The following RNF157 variants were observed in gnomAD, a reference collection of about 807,000 sequenced individuals.
RNF157 encodes ring finger protein 157.
Under a neutral mutation model 88.3 loss-of-function variants are expected in RNF157, and 55 were observed. The observed-to-expected ratio is 0.62, with a 90% CI of 0.50 to 0.78. The LOEUF is 0.78. RNF157 is among the 30% of genes least tolerant of loss of function. The pLI is 0.00. For missense variants in RNF157, 788 were observed against 860.8 expected, an observed-to-expected ratio of 0.92 and a Z score of 1.06; for synonymous variants, 334 against 341.2, an observed-to-expected ratio of 0.98 and a Z score of 0.23.
Position 76,161,896 on chromosome 17 carries a change from G to C in RNF157, c.899C>G (p.Thr300Ser). 1.2e-6 allele frequency: 2 copies of C among 1,614,224 alleles called. No individual in the cohort carries two copies. The highest frequency in any genetic ancestry group is 8.5e-7 in the Non-Finnish European group (1 of 1,180,052). The change falls in exon 10 of 19, where the codon ACC becomes AGC. Residue 300 changes from threonine (T) to serine (S), a missense_variant. Physicochemically the swap from Thr to Ser is moderately conservative, Grantham distance 58. Coordinates refer to ENST00000269391, the MANE Select transcript of RNF157 (RefSeq NM_052916.3). The surrounding 1 kb of genome is among the most constrained non-coding windows in gnomAD (Gnocchi z 4.6). ...LPCRHLCLCN[T>S]CADTLRYQAN... Reference sequence around the variant, plus strand: ...CTGGTAGCGCAGCGTGTCTGCACAGGTGTTACAGAGGCAGAGGTGGCGACA... The same window carrying C: ...CTGGTAGCGCAGCGTGTCTGCACAGCTGTTACAGAGGCAGAGGTGGCGACA...
At position 76,166,990 on chromosome 17, in the gene RNF157, C is replaced by T. The variant is rs752939507; in HGVS notation, c.561+19G>A. On this transcript the variant is annotated intron_variant, in intron 5 of 18. Transcript: ENST00000269391. Reference sequence around the variant, plus strand: ...CCCTTCTGAGTGGATGTGGGAAACCCTCCCCAGAGGCAGCTCACCTCCTCT... The same window carrying T: ...CCCTTCTGAGTGGATGTGGGAAACCTTCCCCAGAGGCAGCTCACCTCCTCT... 2.5e-6 allele frequency: 4 copies of T among 1,573,834 alleles called. No individual in the cohort carries two copies. The Admixed American group carries it at 7.2e-5, about 28-fold the overall frequency.
At chr17:76,159,221 C>T (rs770534214) in intron 12 of RNF157, 114 bp downstream of exon 12, 117 of 865,488 alleles carry the variant, frequency 1.4e-4, no homozygotes, top group Non-Finnish European at 2.0e-4. Flanking sequence ...GCTCTGGGAA[C>T]AGCCCAGAGG....
intron 1 of RNF157, among the ~76,000 whole-genome samples, chr17:76,238,226 G>A (rs1274983320): frequency 1.3e-5 from 2 of 152,150 alleles, no homozygotes; most frequent in African/African-American, 2.4e-5. Flanking sequence ...CGATGCCTCC[G>A]TCTAGAGCAT....
rs115220134 is a variant in RNF157 at position 76,152,455 on chromosome 17, C to T, written c.1821G>A (p.Thr607=). The change falls in exon 18 of 19, where the codon ACG becomes ACA. Residue 607 remains threonine, a synonymous_variant. Transcript: ENST00000269391. ...DGSPTQEGQR[T]CAFLGMECDN... ...CACACTCCATACCTAGAAATGCGCA[C>T]GTCCTCTGGCCTGTAACGGAGTTAA... The T allele has an allele frequency of 5.3e-5, 85 of 1,610,696 alleles. No individual in the cohort carries two copies. The African/African-American group carries it at 8.5e-4, about 16-fold the overall frequency.
At position 76,143,761 on chromosome 17, in the gene RNF157, ATT is replaced by A. The variant is rs765184655; in HGVS notation, c.*1472_*1473del. 3 of 146,128 alleles carry A rather than the reference ATT, an allele frequency of 2.1e-5. No individual in the cohort carries two copies. The highest frequency in any genetic ancestry group is 3.0e-5 in the Non-Finnish European group (2 of 65,926). 9.1% of individuals were successfully genotyped at this position (146,128 alleles called of 1,614,324 possible). Reference sequence around the variant, plus strand: ...GAGGCTGCCTTGGAAACAGCCTTGAATTTTTTTTTTTTTGTTTGAGACAGAGT... The same window carrying A: ...GAGGCTGCCTTGGAAACAGCCTTGAATTTTTTTTTTTGTTTGAGACAGAGT... On this transcript the variant is annotated 3_prime_UTR_variant, in exon 19 of 19. Coordinates refer to ENST00000269391, the MANE Select transcript of RNF157 (RefSeq NM_052916.3).
chr17:76,147,269 C>CT (rs2068599228), intron 18 of RNF157: 1 of 984,654 alleles, frequency 1.0e-6, no homozygotes. Flanking sequence ...GATCTCATAC[C>CT]TATTCCTCAA....
At position 76,156,282 on chromosome 17, in the gene RNF157, A is replaced by G; in HGVS notation, c.1453T>C (p.Ser485Pro). 6.2e-7 allele frequency: 1 copy of G among 1,614,150 alleles called. No individual in the cohort carries two copies. Among genetic ancestry groups the G allele is most frequent in the Non-Finnish European group, 8.5e-7 (1 of 1,180,004 alleles). ...VTPESENLTL[S>P]SSGAIDQSSC... is the part of the protein sequence containing the mutation. ...GACTGGTCAATAGCTCCAGATGACG[A>G]CAAGGTGAGATTCTCACTTTCTGGA... Residue 485 changes from serine to proline, a missense_variant, in exon 14 of 19, where the codon TCG (serine) becomes CCG (proline). Physicochemically the swap from Ser to Pro is moderately conservative, Grantham distance 74. Transcript: ENST00000269391.
intron 2 of RNF157, among the ~76,000 whole-genome samples, chr17:76,199,749 C>G (rs2069540406): frequency 6.6e-6 from 1 of 152,074 alleles, no homozygotes; most frequent in South Asian, 2.1e-4. Context: ...GCCACCTGCT[C>G]ATGCTACTGG....
At chr17:76,192,907 T>G (rs2069411067) in intron 2 of RNF157, among the ~76,000 whole-genome samples, 1 of 150,406 alleles carries the variant, frequency 6.6e-6, no homozygotes. Flanking sequence ...TGGCCATCAC[T>G]GCAGTCTCAA....
At chr17:76,211,260 AG>A (rs1444519720) in intron 2 of RNF157, among the ~76,000 whole-genome samples, 1 of 152,222 alleles carries the variant, frequency 6.6e-6, no homozygotes, top group Admixed American at 6.5e-5. Context: ...GAATGCTCTT[AG>A]GCCTGTGCCG....
chr17:76,200,398 A>G (rs951159730), intron 2 of RNF157, among the ~76,000 whole-genome samples: 1 of 152,238 alleles, frequency 6.6e-6, no homozygotes, highest in Non-Finnish European at 1.5e-5. Context: ...AGCCTTAAAA[A>G]GGAAATTCTG....
At position 76,223,240 on chromosome 17, in the gene RNF157, T is replaced by G. The variant is rs925554573; in HGVS notation, c.89-10758A>C. ...TCTCACTCTGTCACCCAGGCTGGAGTGCAGTAGTCCAATCTCTGCTCGCTG... is the reference window on the plus strand; with the variant it reads ...TCTCACTCTGTCACCCAGGCTGGAGGGCAGTAGTCCAATCTCTGCTCGCTG... On this transcript the variant is annotated intron_variant, in intron 1 of 18. Coordinates refer to ENST00000269391, the MANE Select transcript of RNF157 (RefSeq NM_052916.3). Among the ~76,000 whole-genome samples the G allele has an allele frequency of 5.5e-5, 8 of 145,362 alleles. No individual in the cohort carries two copies. In the East Asian group the frequency reaches 1.6e-3, roughly 30 times the overall value.
chr17:76,192,565 C>T (rs186590417), intron 2 of RNF157, among the ~76,000 whole-genome samples: 14 of 152,204 alleles, frequency 9.2e-5, no homozygotes, highest in African/African-American at 2.9e-4. Context: ...CCCATGGTGA[C>T]TCTTTAGATT....
Position 76,176,171 on chromosome 17 carries a change from C to T in RNF157, c.208-2381G>A, listed in dbSNP as rs930963872. On this transcript the variant is annotated intron_variant, in intron 2 of 18. Transcript: ENST00000269391. This position sits in a 1 kb window ranked among gnomAD's most constrained non-coding sequence, Gnocchi z 4.2. ...GATTGAAAACCAAGAAGATAAGGCC[C>T]TGCTCTTTCAGGAAGCTGCATTATA... 3.9e-5 allele frequency among the ~76,000 whole-genome samples: 6 copies of T among 152,176 alleles called. No individual in the cohort carries two copies. Among genetic ancestry groups the T allele is most frequent in the Non-Finnish European group, 5.9e-5 (4 of 68,032 alleles).
intron 1 of RNF157, among the ~76,000 whole-genome samples, chr17:76,214,984 C>T (rs1010831139): frequency 5.3e-5 from 8 of 152,148 alleles, no homozygotes; most frequent in Non-Finnish European, 1.2e-4. Flanking sequence ...TGAAGGTAAG[C>T]TGTCCAAAGT....
chr17:76,192,113 G>C (rs899723063), intron 2 of RNF157, among the ~76,000 whole-genome samples: 1 of 152,196 alleles, frequency 6.6e-6, no homozygotes, highest in African/African-American at 2.4e-5. Context: ...ACAGAGGTGA[G>C]AGTGTGCACA....
chr17:76,205,762 AAAT>A (rs1360133036), intron 2 of RNF157, among the ~76,000 whole-genome samples: 2 of 151,736 alleles, frequency 1.3e-5, no homozygotes, highest in Non-Finnish European at 2.9e-5. Context: ...TAAATAAATA[AAAT>A]AATAATGCCA....
intron 6 of RNF157, among the ~76,000 whole-genome samples, chr17:76,166,062 C>T (rs1170991637): frequency 6.6e-6 from 1 of 151,910 alleles, no homozygotes; most frequent in Admixed American, 6.6e-5. Flanking sequence ...GCAACCTCCG[C>T]CTCCCAGGTT....
chr17:76,166,654 T>G (rs1228343056), intron 5 of RNF157, 127 bp from the exon 6 acceptor site: 5 of 789,182 alleles, frequency 6.3e-6, no homozygotes, highest in African/African-American at 1.7e-5. Flanking sequence ...TTCTTTAGCC[T>G]TGTTAATTAC....
Sources: allele counts gnomAD v4.1 joint callset (sites outside exome capture counted in the v4.1 genomes callset), GRCh38; gene constraint gnomAD v4.1.1; non-coding constraint Gnocchi (gnomAD v3.1); transcripts MANE v1.5; gene names NCBI Gene and HGNC (gene_info 2026-07-23, HGNC 2026-07-21).